The following USH2A variants were observed in gnomAD, a reference collection of about 807,000 sequenced individuals.
USH2A encodes Usher syndrome 2A (autosomal recessive, mild).
In USH2A, 443 loss-of-function variants were observed where a neutral mutation model predicts 538.9. The observed-to-expected ratio is 0.82, with a 90% CI of 0.76 to 0.89. The LOEUF (loss-of-function observed/expected upper bound fraction) is 0.89. Among genes scored for constraint, USH2A ranks in the 40% least tolerant of loss-of-function variants. The probability of loss-of-function intolerance (pLI) is 0.00; values close to 1 mark genes in which losing one functional copy is unlikely to be tolerated. For missense variants in USH2A, 6,633 were observed against 6,324.8 expected (o/e 1.05, Z -1.65); for synonymous variants, 2,413 against 2,273.5 (o/e 1.06, Z -1.75).
chr1:216,224,774 G>A (rs570628686), intron 14 of USH2A, among the ~76,000 whole-genome samples: 1 of 152,188 alleles, frequency 6.6e-6, no homozygotes, highest in South Asian at 2.1e-4. Context: ...AGAAGGTAAG[G>A]AATATGTGAA....
chr1:215,957,496 T>A (rs1388431482), intron 37 of USH2A, among the ~76,000 whole-genome samples: 1 of 152,230 alleles, frequency 6.6e-6, no homozygotes, highest in Non-Finnish European at 1.5e-5. Flanking sequence ...TGCTTTAGAC[T>A]TTAACTGGGT....
At chr1:215,841,017 G>A (rs1316259926) in intron 46 of USH2A, among the ~76,000 whole-genome samples, 1 of 151,946 alleles carries the variant, frequency 6.6e-6, no homozygotes, top group Non-Finnish European at 1.5e-5. Flanking sequence ...GGTGTGCAAT[G>A]AAAACAAACC....
intron 15 of USH2A, among the ~76,000 whole-genome samples, chr1:216,211,808 T>C (rs190675086): frequency 2.6e-5 from 4 of 152,268 alleles, no homozygotes; most frequent in Admixed American, 2.0e-4. Context: ...ATGGTCACTT[T>C]GATCGGTTGA....
rs368521989 is a variant in USH2A, at chr1:216,269,023, G to C, written c.1972-17925C>G. Among the ~76,000 whole-genome samples, 15 of 152,128 alleles carry C rather than the reference G, an allele frequency of 9.9e-5. 1 individual carries two copies. Among genetic ancestry groups the C allele is most frequent in the Admixed American group, 3.9e-4 (6 of 15,270 alleles). On this transcript the variant is annotated intron_variant, in intron 11 of 71. Coordinates refer to ENST00000307340, the MANE Select transcript of USH2A (RefSeq NM_206933.4). The stretch of plus-strand genomic sequence containing the variant: ...ATCACTTTACAATGTAAGCTCCATA[G>C]TGGCAGGAATTTTCGTCATTTTATT...
chr1:215,834,262 C>T (rs1663411583), intron 47 of USH2A, among the ~76,000 whole-genome samples: 1 of 152,036 alleles, frequency 6.6e-6, no homozygotes, highest in Non-Finnish European at 1.5e-5. Context: ...CAACTTTAAT[C>T]GTGGTCACGG....
At chr1:216,378,253 A>AT (rs2038872673) in intron 3 of USH2A, among the ~76,000 whole-genome samples, 1 of 152,162 alleles carries the variant, frequency 6.6e-6, no homozygotes, top group Non-Finnish European at 1.5e-5. Flanking sequence ...AACATCTAAT[A>AT]TTTTTTTAAA....
At chr1:216,118,216 C>A (rs2033054199) in intron 21 of USH2A, among the ~76,000 whole-genome samples, 1 of 152,028 alleles carries the variant, frequency 6.6e-6, no homozygotes, top group Non-Finnish European at 1.5e-5. Context: ...CTATTTGGCC[C>A]TATATAAGTA....
intron 21 of USH2A, among the ~76,000 whole-genome samples, chr1:216,165,718 G>A: frequency 6.6e-6 from 1 of 151,466 alleles, no homozygotes; most frequent in Non-Finnish European, 1.5e-5. Flanking sequence ...TCTGGTAAAT[G>A]TCTTATGCCG....
intron 41 of USH2A, among the ~76,000 whole-genome samples, chr1:215,885,723 T>G (rs1665032894): frequency 6.6e-6 from 1 of 152,214 alleles, no homozygotes; most frequent in Admixed American, 6.5e-5. Context: ...TGCATTTATT[T>G]TCTAGTTAGC....
chr1:215,875,999 CG>C (rs1453819197), intron 43 of USH2A, among the ~76,000 whole-genome samples: 1 of 116,898 alleles, frequency 8.6e-6, no homozygotes, highest in Non-Finnish European at 1.7e-5. Flanking sequence ...ATGGAGGGGG[CG>C]GGGGGAAGGG....
chr1:215,687,386 T>C (rs918860487), intron 61 of USH2A, among the ~76,000 whole-genome samples: 1 of 151,860 alleles, frequency 6.6e-6, no homozygotes, highest in African/African-American at 2.4e-5. Flanking sequence ...TTTTCCTCTC[T>C]TTAGAATACA....
chr1:216,325,498 C>A lies in USH2A; in HGVS notation c.950G>T (p.Arg317Leu). 1 of 1,613,798 alleles carries A rather than the reference C, an allele frequency of 6.2e-7. No homozygotes were observed. The highest frequency in any genetic ancestry group is 1.1e-5 in the South Asian group (1 of 91,074). The change falls in exon 6 of 72, where the codon CGG (arginine) becomes CTG (leucine). Residue 317 changes from arginine to leucine, a missense_variant. Physicochemically the swap from Arg to Leu is moderately radical, Grantham distance 102. Coordinates refer to ENST00000307340, the MANE Select transcript of USH2A (RefSeq NM_206933.4). ...SHPRVHPLAQRYCIPNDAGDT... is the reference protein window; with the variant it reads ...SHPRVHPLAQLYCIPNDAGDT... ...TCCTGCATCATTAGGAATGCAGTAC[C>A]GCTGTGCCAAAGGGTGGACCCGCGG...
chr1:215,710,830 G>T (rs1030292360), intron 61 of USH2A, among the ~76,000 whole-genome samples: 4 of 151,806 alleles, frequency 2.6e-5, no homozygotes, highest in East Asian at 1.9e-4. Context: ...AGAAAAAAAA[G>T]AACATTAGCA....
At chr1:215,933,953 A>G (rs1666428561) in intron 38 of USH2A, among the ~76,000 whole-genome samples, 1 of 152,040 alleles carries the variant, frequency 6.6e-6, no homozygotes, top group Admixed American at 6.6e-5. Flanking sequence ...GCAACGAGTT[A>G]AAACATGGTG....
At chr1:215,878,587 T>C (rs1242980400) in intron 42 of USH2A, among the ~76,000 whole-genome samples, 177 bp downstream of exon 42, 1 of 152,220 alleles carries the variant, frequency 6.6e-6, no homozygotes, top group African/African-American at 2.4e-5. Context: ...TAAACTTTGA[T>C]GTTTCCATAA....
rs59409812 is a variant in USH2A at position 215,770,942 on chromosome 1, T to TAA, written c.10940-4156_10940-4155dup. Among the ~76,000 whole-genome samples, 52 of 65,864 alleles carry TAA rather than the reference T, an allele frequency of 7.9e-4. 1 individual carries two copies. Among genetic ancestry groups the TAA allele is most frequent in the East Asian group, 3.0e-3 (7 of 2,346 alleles). 43.2% of individuals were successfully genotyped at this position (65,864 alleles called of 152,430 possible). ...CAACATAGTGAAACCCCGTCTCTAC[T>TAA]AAAAAAAAAAAAAAAAAAAAAAAAA... On this transcript the variant is annotated intron_variant, in intron 55 of 71. Transcript: ENST00000307340.
rs929499284 is a variant in USH2A, at chr1:215,636,431, G to C, written c.15053-1728C>G. 2.0e-5 allele frequency among the ~76,000 whole-genome samples: 3 copies of C among 152,254 alleles called. No individual in the cohort carries two copies. The East Asian group carries it at 5.8e-4, about 29-fold the overall frequency. ...TTTGCTTCTCATCTCTAAAATAAAGGGTTGAGTCAACACTCCAATCAAGCT... is the reference window on the plus strand; with the variant it reads ...TTTGCTTCTCATCTCTAAAATAAAGCGTTGAGTCAACACTCCAATCAAGCT... On this transcript the variant is annotated intron_variant, in intron 69 of 71. Coordinates refer to ENST00000307340, the MANE Select transcript of USH2A (RefSeq NM_206933.4).
chr1:215,727,936 T>C, intron 61 of USH2A, 94 bp downstream of exon 61: 1 of 1,417,454 alleles, frequency 7.1e-7, no homozygotes, highest in South Asian at 1.2e-5. Flanking sequence ...ATTTAAGCCC[T>C]AAGTGAAGAA....
At chr1:215,652,956 A>C (rs1341853024) in intron 64 of USH2A, among the ~76,000 whole-genome samples, 1 of 152,194 alleles carries the variant, frequency 6.6e-6, no homozygotes, top group Non-Finnish European at 1.5e-5. Flanking sequence ...ACAACTTGCC[A>C]ATTAATTACT....
Sources: gnomAD v4.1 joint callset for allele counts (sites outside exome capture counted in the v4.1 genomes callset) on GRCh38, gnomAD v4.1.1 for gene constraint, MANE v1.5 for transcripts, NCBI Gene and HGNC (gene_info 2026-07-23, HGNC 2026-07-21) for gene names.